CCDC178: variants seen among roughly 807,000 people sequenced by gnomAD.
CCDC178 encodes the protein coiled-coil domain containing 178.
A neutral mutation model predicts 117.4 loss-of-function variants in CCDC178; 126 were observed. That is an observed-to-expected ratio of 1.07 (90% confidence interval 0.93 to 1.24). The LOEUF is 1.24. Ranked by LOEUF, CCDC178 falls within the 50% of genes most tolerant of loss-of-function variation. The pLI, the probability that CCDC178 is intolerant of heterozygous loss-of-function variation, is 0.00. For missense variants in CCDC178, 1,030 were observed against 986.9 expected (o/e 1.04, Z -0.59); for synonymous variants, 283 against 313.4 (o/e 0.90, Z 1.02).
intron 12 of CCDC178, among the ~76,000 whole-genome samples, chr18:33,276,736 G>T (rs965210851): frequency 2.0e-5 from 3 of 152,076 alleles, no homozygotes; most frequent in African/African-American, 7.2e-5. Context: ...AAGAAAATTG[G>T]GGTGTGTTTA....
chr18:33,131,904 C>A (rs1342200522), intron 20 of CCDC178, among the ~76,000 whole-genome samples: 2 of 151,620 alleles, frequency 1.3e-5, no homozygotes, highest in African/African-American at 4.8e-5. Flanking sequence ...CCTTTTGGGG[C>A]AAAACAGAAT....
chr18:33,097,477 C>T (rs1210233610), intron 20 of CCDC178, among the ~76,000 whole-genome samples: 1 of 152,116 alleles, frequency 6.6e-6, no homozygotes, highest in Non-Finnish European at 1.5e-5. Flanking sequence ...AGTCATTTTA[C>T]ACCATGATGT....
At chr18:33,122,652 GAGCAACAATGC>G (rs1458459118) in intron 20 of CCDC178, among the ~76,000 whole-genome samples, 4 of 152,018 alleles carry the variant, frequency 2.6e-5, no homozygotes, top group Admixed American at 6.6e-5. Flanking sequence ...GATGATAAAT[GAGCAACAATGC>G]AACTAGCATG....
At chr18:33,389,713 A>T in intron 4 of CCDC178, 84 bp from the exon 5 acceptor site, 4 of 550,738 alleles carry the variant, frequency 7.3e-6, no homozygotes, top group Non-Finnish European at 1.2e-5. Flanking sequence ...GTAAAAAACT[A>T]CGTTAGAGAA....
intron 20 of CCDC178, among the ~76,000 whole-genome samples, chr18:33,203,940 A>T (rs1419421277): frequency 6.6e-6 from 1 of 152,186 alleles, no homozygotes; most frequent in Non-Finnish European, 1.5e-5. Context: ...ATTTTCAATG[A>T]GGTCTATGTA....
At chr18:33,352,590 G>A (rs549399595) in intron 7 of CCDC178, among the ~76,000 whole-genome samples, 13 of 149,272 alleles carry the variant, frequency 8.7e-5, no homozygotes, top group African/African-American at 2.2e-4. Flanking sequence ...GCTGCATTTC[G>A]TAAGTTTAAA....
intron 11 of CCDC178, among the ~76,000 whole-genome samples, chr18:33,309,163 C>G (rs1288851290): frequency 7.3e-6 from 1 of 136,252 alleles, no homozygotes; most frequent in Admixed American, 7.8e-5. Context: ...TGAACATAGC[C>G]AAAAATAAGC....
chr18:33,019,344 T>C (rs1490686143), intron 21 of CCDC178, among the ~76,000 whole-genome samples: 1 of 152,176 alleles, frequency 6.6e-6, no homozygotes, highest in Non-Finnish European at 1.5e-5. Context: ...TATATAAATG[T>C]TCCTAATGTG....
At chr18:33,430,633 C>T (rs566185963) in intron 2 of CCDC178, among the ~76,000 whole-genome samples, 165 of 152,172 alleles carry the variant, frequency 1.1e-3, no homozygotes, top group South Asian at 2.3e-3. Context: ...TCAAGAGGAC[C>T]CCATGAAGGA....
At chr18:33,138,557 C>A (rs556790025) in intron 20 of CCDC178, among the ~76,000 whole-genome samples, 18 of 152,204 alleles carry the variant, frequency 1.2e-4, no homozygotes, top group African/African-American at 4.1e-4. Flanking sequence ...ACTAGTTACC[C>A]AATGCACAGC....
intron 22 of CCDC178, chr18:32,958,212 C>T (rs780113048): frequency 1.7e-6 from 1 of 576,038 alleles, no homozygotes; most frequent in Admixed American, 2.8e-5. Flanking sequence ...TTTTCCAAAT[C>T]ATACTGGTTC....
chr18:33,143,886 C>A (rs1172151114), intron 20 of CCDC178, among the ~76,000 whole-genome samples: 1 of 151,990 alleles, frequency 6.6e-6, no homozygotes, highest in African/African-American at 2.4e-5. Flanking sequence ...AAGCTTAGAT[C>A]TTGTATTAGG....
intron 21 of CCDC178, among the ~76,000 whole-genome samples, chr18:33,054,426 C>G (rs1472901229): frequency 1.2e-4 from 18 of 152,148 alleles, no homozygotes; most frequent in Admixed American, 1.2e-3. Flanking sequence ...CTACCTGCCC[C>G]CCATACCCCA....
At position 33,245,255 on chromosome 18, in the gene CCDC178, C is replaced by G; in HGVS notation, c.1583G>C (p.Arg528Thr). Residue 528 changes from arginine to threonine, a missense_variant, in exon 15 of 23, where the codon AGA becomes ACA. Arg to Thr is a moderately conservative substitution (Grantham distance 71). Coordinates refer to ENST00000383096, the MANE Select transcript of CCDC178 (RefSeq NM_001105528.4). ...EMEDKIAEVRRKFKGREEFLK... is the reference protein window; with the variant it reads ...EMEDKIAEVRTKFKGREEFLK... ...ACAAAGATACACAACCTTGAACTTT[C>G]TTCTCACTTCTGCTATTTTATCTTC... 6.3e-7 allele frequency: 1 copy of G among 1,581,680 alleles called. No homozygotes were observed. The highest frequency in any genetic ancestry group is 8.6e-7 in the Non-Finnish European group (1 of 1,167,622).
At chr18:33,203,555 C>T (rs1235300636) in intron 20 of CCDC178, among the ~76,000 whole-genome samples, 1 of 152,032 alleles carries the variant, frequency 6.6e-6, no homozygotes, top group African/African-American at 2.4e-5. Flanking sequence ...ATTAACTTTA[C>T]AAGTAGGAAA....
At chr18:33,328,190 C>T (rs2062614112) in intron 10 of CCDC178, 2 of 267,576 alleles carry the variant, frequency 7.5e-6, no homozygotes, top group Admixed American at 1.1e-4. Context: ...CAACCCCCGC[C>T]CCACCGGGCT....
chr18:33,403,204 A>G (rs569345019), intron 3 of CCDC178, among the ~76,000 whole-genome samples: 1 of 152,308 alleles, frequency 6.6e-6, no homozygotes, highest in South Asian at 2.1e-4. Context: ...TTGAAGATGT[A>G]TCTGAACATG....
At chr18:33,192,309 T>C (rs1219652561) in intron 20 of CCDC178, among the ~76,000 whole-genome samples, 1 of 152,152 alleles carries the variant, frequency 6.6e-6, no homozygotes, top group Non-Finnish European at 1.5e-5. Context: ...AAACGTTAGA[T>C]ATAGATCAGT....
intron 5 of CCDC178, among the ~76,000 whole-genome samples, chr18:33,381,786 A>ACACT (rs1337624880): frequency 6.6e-6 from 1 of 152,170 alleles, no homozygotes; most frequent in African/African-American, 2.4e-5. Context: ...CTCCGCTGAT[A>ACACT]CACTATGTAA....
Sources: allele counts gnomAD v4.1 joint callset (sites outside exome capture counted in the v4.1 genomes callset), GRCh38; gene constraint gnomAD v4.1.1; transcripts MANE v1.5; gene names NCBI Gene and HGNC (gene_info 2026-07-23, HGNC 2026-07-21).